Variants in UBE2V2 observed in about 807,000 individuals in gnomAD.
UBE2V2 encodes ubiquitin-conjugating enzyme E2 variant 2.
A neutral mutation model predicts 17.2 loss-of-function variants in UBE2V2; 9 were observed. The observed-to-expected ratio is 0.52, with a 90% CI of 0.32 to 0.91. The LOEUF (loss-of-function observed/expected upper bound fraction) is 0.91, where lower values mean the gene tolerates loss of function less well. UBE2V2 is among the 40% of genes least tolerant of loss of function. The pLI, the probability that UBE2V2 is intolerant of heterozygous loss-of-function variation, is 0.04. For missense variants in UBE2V2, 133 were observed against 182.6 expected (o/e 0.73, Z 1.56); for synonymous variants, 61 against 57.5 (o/e 1.06, Z -0.28).
At chr8:48,046,765 T>TTG (rs560412645) in intron 2 of UBE2V2, among the ~76,000 whole-genome samples, 89 of 150,394 alleles carry the variant, frequency 5.9e-4, no homozygotes, top group Admixed American at 1.7e-3. Flanking sequence ...CCTGGCTAAT[T>TTG]TGTGTGTGTG....
chr8:48,040,865 T>G lies in UBE2V2; in HGVS notation c.17-2168T>G, dbSNP rs1473284322. 1.2e-3 allele frequency among the ~76,000 whole-genome samples: 163 copies of G among 140,572 alleles called. 2 individuals carry two copies. The highest frequency in any genetic ancestry group is 3.9e-3 in the African/African-American group (143 of 36,902). 92.2% of individuals were successfully genotyped at this position (140,572 alleles called of 152,430 possible). ...CTGGGTTTTTTTTTTTTTTTTTTTTTTGTGTGTGTGTGTGTGTGAGACAGA... is the reference window on the plus strand; with the variant it reads ...CTGGGTTTTTTTTTTTTTTTTTTTTGTGTGTGTGTGTGTGTGTGAGACAGA... On this transcript the variant is annotated intron_variant, in intron 1 of 3. Coordinates refer to ENST00000523111, the MANE Select transcript of UBE2V2 (RefSeq NM_003350.3).
intron 1 of UBE2V2, among the ~76,000 whole-genome samples, chr8:48,010,592 G>A (rs1221731647): frequency 3.3e-5 from 5 of 149,740 alleles, no homozygotes; most frequent in Admixed American, 1.3e-4. Flanking sequence ...TAGTAGAGAC[G>A]GGGTTTCACC....
intron 1 of UBE2V2, among the ~76,000 whole-genome samples, chr8:48,009,453 A>T (rs940976482): frequency 2.6e-5 from 4 of 151,634 alleles, no homozygotes; most frequent in Admixed American, 2.6e-4. Context: ...TTTAGTAGAG[A>T]CGGGGTTTTG....
intron 3 of UBE2V2, among the ~76,000 whole-genome samples, chr8:48,054,289 C>T (rs1037085505): frequency 7.2e-5 from 11 of 152,194 alleles, no homozygotes; most frequent in Non-Finnish European, 1.5e-4. Flanking sequence ...AGAAGTGTGC[C>T]GTGGCGTGGG....
At chr8:48,031,308 G>C (rs766413273) in intron 1 of UBE2V2, among the ~76,000 whole-genome samples, 10 of 152,076 alleles carry the variant, frequency 6.6e-5, no homozygotes, top group Non-Finnish European at 1.2e-4. Flanking sequence ...TTTTTAGTTT[G>C]CTTTTCTGAA....
chr8:48,036,733 G>A (rs2091427716), intron 1 of UBE2V2, among the ~76,000 whole-genome samples: 1 of 151,678 alleles, frequency 6.6e-6, no homozygotes, highest in African/African-American at 2.4e-5. Flanking sequence ...CTGCCTGGCC[G>A]ACTCAAAAAT....
chr8:48,021,226 C>T (rs1334495015), intron 1 of UBE2V2, among the ~76,000 whole-genome samples: 3 of 150,784 alleles, frequency 2.0e-5, no homozygotes, highest in African/African-American at 4.9e-5. Context: ...TACAGGTGGC[C>T]GCCACCACGC....
rs780718248 is a variant in UBE2V2, at chr8:48,035,948, CTT to C, written c.17-7066_17-7065del. 3.5e-3 allele frequency among the ~76,000 whole-genome samples: 431 copies of C among 121,672 alleles called. 1 individual carries two copies. Among genetic ancestry groups the C allele is most frequent in the South Asian group, 0.02 (72 of 3,610 alleles). 79.8% of individuals were successfully genotyped at this position (121,672 alleles called of 152,430 possible). On this transcript the variant is annotated intron_variant, in intron 1 of 3. Coordinates refer to ENST00000523111, the MANE Select transcript of UBE2V2 (RefSeq NM_003350.3). ...TTATTACTTTTCTCCCCTTGCCTTT[CTT>C]TTTTTTTTTTTTTTTTTTGAGACCG...
chr8:48,004,185 A>G (rs1169067977), upstream of UBE2V2, among the ~76,000 whole-genome samples: 1 of 152,172 alleles, frequency 6.6e-6, no homozygotes, highest in Non-Finnish European at 1.5e-5. Context: ...GGTGGTAGGC[A>G]AAAGGAAGCA....
intron 1 of UBE2V2, among the ~76,000 whole-genome samples, chr8:48,032,668 A>T (rs1184453338): frequency 6.6e-6 from 1 of 152,054 alleles, no homozygotes; most frequent in Non-Finnish European, 1.5e-5. Context: ...ACGTGGAAGG[A>T]TCTCTTGAGC....
chr8:48,014,372 T>C (rs981765602), intron 1 of UBE2V2, among the ~76,000 whole-genome samples: 3 of 152,048 alleles, frequency 2.0e-5, no homozygotes, highest in African/African-American at 7.2e-5. Context: ...GGGCCGGGCA[T>C]GGTGGCTCAC....
chr8:48,046,700 A>C (rs2091501887), intron 2 of UBE2V2, among the ~76,000 whole-genome samples: 1 of 152,124 alleles, frequency 6.6e-6, no homozygotes, highest in Non-Finnish European at 1.5e-5. Flanking sequence ...GGGCTCAAAC[A>C]ATCCTCCCAC....
chr8:48,038,485 T>G (rs1054514967), intron 1 of UBE2V2, among the ~76,000 whole-genome samples: 1 of 151,206 alleles, frequency 6.6e-6, no homozygotes, highest in Non-Finnish European at 1.5e-5. Context: ...CCAGCTAATT[T>G]TTTTTTTTTT....
the UBE2V2 span, among the ~76,000 whole-genome samples, chr8:48,002,448 C>T: frequency 6.6e-6 from 1 of 152,172 alleles, no homozygotes; most frequent in Non-Finnish European, 1.5e-5. Context: ...ATAAATATTA[C>T]ATTATCTCAC....
At chr8:47,999,901 T>G in the UBE2V2 span, among the ~76,000 whole-genome samples, 2 of 152,070 alleles carry the variant, frequency 1.3e-5, no homozygotes, top group Non-Finnish European at 2.9e-5. Flanking sequence ...CATGAAAGGG[T>G]TGTGATCGAT....
chr8:48,025,091 C>T (rs545164713), intron 1 of UBE2V2, among the ~76,000 whole-genome samples: 7 of 151,846 alleles, frequency 4.6e-5, no homozygotes, highest in South Asian at 2.1e-4. Context: ...TGTGCCACCA[C>T]GCCCGGCTAG....
At chr8:48,012,594 T>G (rs888614510) in intron 1 of UBE2V2, among the ~76,000 whole-genome samples, 27 of 151,826 alleles carry the variant, frequency 1.8e-4, no homozygotes, top group Middle Eastern at 3.2e-3. Context: ...GGCACATGCC[T>G]GTAATTCCAG....
At chr8:48,017,283 G>A (rs2091275597) in intron 1 of UBE2V2, among the ~76,000 whole-genome samples, 1 of 151,548 alleles carries the variant, frequency 6.6e-6, no homozygotes, top group African/African-American at 2.4e-5. Flanking sequence ...TATTTTCTTG[G>A]TATTGAATGG....
chr8:48,041,173 G>T (rs1183136224), intron 1 of UBE2V2, among the ~76,000 whole-genome samples: 46 of 117,360 alleles, frequency 3.9e-4, no homozygotes, highest in East Asian at 1.6e-3. Context: ...CTTTTTTGTT[G>T]TTTTTTTTTT....
Sources: allele counts gnomAD v4.1 joint callset (sites outside exome capture counted in the v4.1 genomes callset), GRCh38; gene constraint gnomAD v4.1.1; transcripts MANE v1.5; gene names NCBI Gene and HGNC (gene_info 2026-07-23, HGNC 2026-07-21).